ADAMTS9: variants seen among roughly 807,000 people sequenced by gnomAD.
ADAMTS9 encodes A disintegrin and metalloproteinase with thrombospondin motifs 9.
ADAMTS9 carries 107 observed loss-of-function variants against 257.1 expected under a neutral mutation model. The observed-to-expected ratio is 0.42, with a 90% CI of 0.36 to 0.49. ADAMTS9 has a LOEUF of 0.49. ADAMTS9 is among the 20% of genes least tolerant of loss of function. The pLI is 0.03. For missense variants in ADAMTS9, 2,353 were observed against 2,469.1 expected, an observed-to-expected ratio of 0.95 and a Z score of 1.00; for synonymous variants, 982 against 880.9, an observed-to-expected ratio of 1.11 and a Z score of -2.03.
intron 14 of ADAMTS9, among the ~76,000 whole-genome samples, chr3:64,633,014 G>A (rs1157960905): frequency 6.6e-6 from 1 of 152,130 alleles, no homozygotes; most frequent in African/African-American, 2.4e-5. Flanking sequence ...TAATTAACAG[G>A]AATGTCTCAG....
At position 64,541,753 on chromosome 3, in the gene ADAMTS9, A is replaced by G. The variant is rs1203638201; in HGVS notation, c.5197+85T>C. ...TGATTTCCTTCAGAAAAAATTCTAT[A>G]TTTCTAAAAAGGGCAGGCAATCAAA... On this transcript the variant is annotated intron_variant, in intron 33 of 39. Transcript: ENST00000498707. 8 of 1,581,600 alleles carry G rather than the reference A, an allele frequency of 5.1e-6. No homozygotes were observed. The African/African-American group carries it at 1.1e-4, about 22-fold the overall frequency.
chr3:64,606,322 C>T (rs77357229), intron 23 of ADAMTS9, among the ~76,000 whole-genome samples: 12,498 of 152,168 alleles, frequency 0.082, 788 homozygotes, highest in East Asian at 0.26. Flanking sequence ...TTGCTGATTC[C>T]TGTGGTGTAA....
At chr3:64,522,381 C>T (rs2082864657) in intron 38 of ADAMTS9, 121 bp from the exon 39 acceptor site, 3 of 792,158 alleles carry the variant, frequency 3.8e-6, no homozygotes, top group Non-Finnish European at 4.1e-6. Flanking sequence ...TGATGTGAAG[C>T]CCAACATACT....
chr3:64,673,002 T>C (rs1164756820), intron 3 of ADAMTS9, among the ~76,000 whole-genome samples: 2 of 133,518 alleles, frequency 1.5e-5, no homozygotes, highest in Non-Finnish European at 1.6e-5. Context: ...TCACATACTG[T>C]ACAGGTCTGT....
intron 26 of ADAMTS9, among the ~76,000 whole-genome samples, chr3:64,598,864 G>A (rs2084409458): frequency 6.6e-6 from 1 of 152,034 alleles, no homozygotes; most frequent in African/African-American, 2.4e-5. Flanking sequence ...GGCTCCTTGA[G>A]GAAAGGCTCA....
rs1701941680 is a variant in ADAMTS9, at chr3:64,687,319, C to T, written c.115+224G>A. Among the ~76,000 whole-genome samples the T allele has an allele frequency of 6.6e-6, 1 of 152,148 alleles. No homozygotes were observed. Among genetic ancestry groups the T allele is most frequent in the Non-Finnish European group, 1.5e-5 (1 of 68,034 alleles). ...CGTGGGAGTGGGGATGGGGATATAT[C>T]TGGCAACAGCAAGGTAGGGGGGGGT... On this transcript the variant is annotated intron_variant, in intron 1 of 39. Coordinates refer to ENST00000498707, the MANE Select transcript of ADAMTS9 (RefSeq NM_182920.2). The surrounding 1 kb of genome is among the most constrained non-coding windows in gnomAD (Gnocchi z 4.4).
At chr3:64,640,185 C>CTTA (rs1700603182) in intron 12 of ADAMTS9, among the ~76,000 whole-genome samples, 1 of 152,062 alleles carries the variant, frequency 6.6e-6, no homozygotes, top group South Asian at 2.1e-4. Context: ...AGTTATCTTC[C>CTTA]TTATTGACCA....
chr3:64,642,818 G>GACTGTC (rs1042027605), intron 11 of ADAMTS9, among the ~76,000 whole-genome samples: 1 of 152,134 alleles, frequency 6.6e-6, no homozygotes, highest in African/African-American at 2.4e-5. Context: ...AGCTGGTGGC[G>GACTGTC]ACTGTCGTGA....
intron 11 of ADAMTS9, among the ~76,000 whole-genome samples, chr3:64,643,125 T>G (rs923606658): frequency 6.6e-6 from 1 of 152,150 alleles, no homozygotes; most frequent in Non-Finnish European, 1.5e-5. Context: ...ATCTGAACCC[T>G]GGGTGACTCA....
At chr3:64,521,906 T>G (rs990279710) in intron 39 of ADAMTS9, among the ~76,000 whole-genome samples, 6 of 152,166 alleles carry the variant, frequency 3.9e-5, no homozygotes, top group African/African-American at 1.4e-4. Context: ...AACTTGCACA[T>G]GTACCTCCTG....
chr3:64,613,257 A>T lies in ADAMTS9; in HGVS notation c.3354+88T>A, dbSNP rs2084700725. On this transcript the variant is annotated intron_variant, in intron 22 of 39. Transcript: ENST00000498707. ...GCATGCCACCCGGCACAGCGGTTAA[A>T]TCTCCACCACTGGAATGCTCCTTTG... is the stretch of plus-strand genomic sequence containing the variant. The T allele has an allele frequency of 8.0e-6, 12 of 1,503,070 alleles. No individual in the cohort carries two copies. The South Asian group carries it at 1.4e-4, about 18-fold the overall frequency. The allele number at this position is 1,503,070 out of a possible 1,614,324, so 93.1% of individuals were successfully genotyped here.
In ADAMTS9 at chr3:64,533,408, A is replaced by T. The variant is rs913275951; in HGVS notation, c.5614-138T>A. The T allele has an allele frequency of 8.8e-6, 6 of 682,260 alleles. No homozygotes were observed. In the African/African-American group the frequency reaches 9.0e-5, roughly 10 times the overall value. The allele number at this position is 682,260 out of a possible 1,614,324, so 42.3% of individuals were successfully genotyped here. A position where few individuals can be genotyped will look rare whatever the true frequency, so the allele number is the denominator to read the frequency against. The stretch of plus-strand genomic sequence containing the variant: ...ATTGTGATAGCTACTAATTATTGAT[A>T]GTATTTAGTTTTGTTTGTTCAGGGC... On this transcript the variant is annotated intron_variant, in intron 37 of 39. Transcript: ENST00000498707.
intron 28 of ADAMTS9, among the ~76,000 whole-genome samples, chr3:64,578,229 A>G (rs2083904304): frequency 6.6e-6 from 1 of 151,988 alleles, no homozygotes; most frequent in Admixed American, 6.6e-5. Context: ...GTCACTCTCA[A>G]TATGCATTAT....
chr3:64,585,004 GCTA>G (rs2084111283), intron 28 of ADAMTS9, among the ~76,000 whole-genome samples: 1 of 151,916 alleles, frequency 6.6e-6, no homozygotes, highest in Non-Finnish European at 1.5e-5. Flanking sequence ...ATATTTCTGG[GCTA>G]ATGTAATAAG....
At chr3:64,592,042 G>A (rs1490693789) in intron 28 of ADAMTS9, among the ~76,000 whole-genome samples, 1 of 152,102 alleles carries the variant, frequency 6.6e-6, no homozygotes, top group Admixed American at 6.5e-5. Context: ...AGCATCCACA[G>A]AAATAAACAC....
chr3:64,631,718 G>C (rs973147701), intron 15 of ADAMTS9, 90 bp downstream of exon 15: 52 of 1,282,918 alleles, frequency 4.1e-5, no homozygotes, highest in Non-Finnish European at 5.5e-5. Context: ...TTTTATGCTC[G>C]ACATTAATAT....
chr3:64,579,790 G>A (rs1024191078), intron 28 of ADAMTS9, among the ~76,000 whole-genome samples: 2 of 152,150 alleles, frequency 1.3e-5, no homozygotes, highest in Admixed American at 6.5e-5. Flanking sequence ...AATAACAATT[G>A]CTGTCTCCTG....
At chr3:64,615,150 G>T in intron 21 of ADAMTS9, 171 bp downstream of exon 21, 1 of 764,032 alleles carries the variant, frequency 1.3e-6, no homozygotes, top group Non-Finnish European at 2.1e-6. Context: ...GTTACATCCA[G>T]TACGACAGTC....
At chr3:64,618,504 G>T (rs909231671) in intron 19 of ADAMTS9, among the ~76,000 whole-genome samples, 4 of 152,098 alleles carry the variant, frequency 2.6e-5, no homozygotes, top group Non-Finnish European at 4.4e-5. Flanking sequence ...AAAATCAGAG[G>T]ATGAACTATG....
Sources: gnomAD v4.1 joint callset for allele counts (sites outside exome capture counted in the v4.1 genomes callset) on GRCh38, gnomAD v4.1.1 for gene constraint, Gnocchi (gnomAD v3.1) non-coding constraint, MANE v1.5 for transcripts, NCBI Gene and HGNC (gene_info 2026-07-23, HGNC 2026-07-21) for gene names.